The following OTUD7A variants were observed in gnomAD, a reference collection of about 807,000 sequenced individuals.
The protein encoded by OTUD7A is OTU domain-containing protein 7A.
Under a neutral mutation model 65.7 loss-of-function variants are expected in OTUD7A, and 12 were observed. That is an observed-to-expected ratio of 0.18 (90% CI 0.12 to 0.30). The LOEUF is 0.30. Among genes scored for constraint, OTUD7A ranks in the 10% least tolerant of loss-of-function variants. The pLI is 1.00. For missense variants in OTUD7A, 1,148 were observed against 1,304.8 expected, an observed-to-expected ratio of 0.88 and a Z score of 1.85; for synonymous variants, 641 against 586.3, an observed-to-expected ratio of 1.09 and a Z score of -1.35.
chr15:31,521,835 C>T (rs2141112032), intron 8 of OTUD7A, among the ~76,000 whole-genome samples: 1 of 152,280 alleles, frequency 6.6e-6, no homozygotes, highest in Admixed American at 6.5e-5. Context: ...CCAGAGGGTC[C>T]CCCAAACGGT....
At chr15:31,648,022 C>A (rs1456711586) in intron 3 of OTUD7A, among the ~76,000 whole-genome samples, 1 of 151,928 alleles carries the variant, frequency 6.6e-6, no homozygotes, top group Non-Finnish European at 1.5e-5. Flanking sequence ...GGCTGGAGTA[C>A]CAGGTGGAGA....
At position 31,478,471 on chromosome 15, in the gene OTUD7A, A is replaced by C. The variant is rs1309836282; in HGVS notation, c.*4823T>G. 1 of 152,184 alleles carries C rather than the reference A, an allele frequency of 6.6e-6. No individual in the cohort carries two copies. The highest frequency in any genetic ancestry group is 1.5e-5 in the Non-Finnish European group (1 of 68,040). 9.4% of individuals were successfully genotyped at this position (152,184 alleles called of 1,614,324 possible). On this transcript the variant is annotated 3_prime_UTR_variant, in exon 13 of 13. Coordinates refer to ENST00000307050, the MANE Select transcript of OTUD7A (RefSeq NM_001382637.1). ...TTTTTTGGCAAGATTAAAATAGCAA[A>C]AATGCAATTTTCAACAAATCATTTG...
intron 1 of OTUD7A, among the ~76,000 whole-genome samples, chr15:31,848,698 T>TA (rs1234361281): frequency 6.6e-6 from 1 of 152,196 alleles, no homozygotes; most frequent in African/African-American, 2.4e-5. Context: ...AGCAAACAAA[T>TA]AGAGTTCTGA....
Position 31,483,199 on chromosome 15 carries a change from C to T in OTUD7A, c.*95G>A. On this transcript the variant is annotated 3_prime_UTR_variant, in exon 13 of 13. Coordinates refer to ENST00000307050, the MANE Select transcript of OTUD7A (RefSeq NM_001382637.1). Reference sequence around the variant, plus strand: ...CGGCACTGACAGAGGAGGCGCCGGCCTTCCGGTGGACCAGGGCATGTAAAA... The same window carrying T: ...CGGCACTGACAGAGGAGGCGCCGGCTTTCCGGTGGACCAGGGCATGTAAAA... The T allele has an allele frequency of 9.8e-7, 1 of 1,023,548 alleles. No individual in the cohort carries two copies. Among genetic ancestry groups the T allele is most frequent in the Middle Eastern group, 4.6e-4 (1 of 2,152 alleles). 63.4% of individuals were successfully genotyped at this position (1,023,548 alleles called of 1,614,324 possible). A position where few individuals can be genotyped will look rare whatever the true frequency, so the allele number is the denominator to read the frequency against.
intron 1 of OTUD7A, among the ~76,000 whole-genome samples, chr15:31,837,547 A>G (rs887046203): frequency 4.0e-5 from 6 of 151,892 alleles, no homozygotes; most frequent in Middle Eastern, 3.2e-3. Context: ...CTCCATCTCA[A>G]AAAAAAATAA....
At chr15:31,534,171 A>G (rs979169551) in intron 5 of OTUD7A, among the ~76,000 whole-genome samples, 6 of 152,236 alleles carry the variant, frequency 3.9e-5, no homozygotes, top group African/African-American at 7.2e-5. Flanking sequence ...TGCAAAATTC[A>G]TAAGAAAATA....
chr15:31,644,082 A>G (rs1199933008), intron 3 of OTUD7A, among the ~76,000 whole-genome samples: 1 of 152,048 alleles, frequency 6.6e-6, no homozygotes, highest in Non-Finnish European at 1.5e-5. Flanking sequence ...AACGTGGAGT[A>G]GCTCAGGCAA....
chr15:31,789,711 T>C (rs1373269238), intron 1 of OTUD7A, among the ~76,000 whole-genome samples: 1 of 149,146 alleles, frequency 6.7e-6, no homozygotes, highest in African/African-American at 2.5e-5. Flanking sequence ...CTGCCCTTTT[T>C]TTTTTTTTTT....
At chr15:31,811,232 T>C (rs767512040) in intron 1 of OTUD7A, among the ~76,000 whole-genome samples, 1 of 152,028 alleles carries the variant, frequency 6.6e-6, no homozygotes, top group Admixed American at 6.6e-5. Context: ...AGAGCAGGAA[T>C]GGAAAGAGGT....
chr15:31,757,755 A>G (rs1894856138), intron 1 of OTUD7A, among the ~76,000 whole-genome samples: 1 of 152,218 alleles, frequency 6.6e-6, no homozygotes, highest in African/African-American at 2.4e-5. Context: ...AGCAGTTTAT[A>G]TGGTAAATTA....
chr15:31,558,866 G>C, intron 5 of OTUD7A, 103 bp downstream of exon 5: 2 of 1,285,700 alleles, frequency 1.6e-6, no homozygotes, highest in South Asian at 2.6e-5. Flanking sequence ...AAACTGCCCA[G>C]AGTCTGAGAA....
chr15:31,801,708 T>C (rs1445068498), intron 1 of OTUD7A, among the ~76,000 whole-genome samples: 5 of 152,172 alleles, frequency 3.3e-5, no homozygotes, highest in Admixed American at 3.3e-4. Flanking sequence ...AGGTTTACTA[T>C]TAAATTATTT....
intron 1 of OTUD7A, among the ~76,000 whole-genome samples, chr15:31,723,293 T>A (rs1883617806): frequency 1.3e-5 from 2 of 151,828 alleles, no homozygotes; most frequent in Non-Finnish European, 2.9e-5. Context: ...CACCACACAA[T>A]CTGCCCTTGT....
chr15:31,513,721 A>G (rs891465598), intron 8 of OTUD7A, among the ~76,000 whole-genome samples: 2 of 152,220 alleles, frequency 1.3e-5, no homozygotes. Flanking sequence ...AGGTTGTCCC[A>G]TCACTGGTGA....
chr15:31,703,550 A>G (rs1276604843), intron 1 of OTUD7A, among the ~76,000 whole-genome samples: 11 of 152,140 alleles, frequency 7.2e-5, no homozygotes, highest in Non-Finnish European at 1.6e-4. Flanking sequence ...TCAGAACAGC[A>G]AAAATAAAAA....
At position 31,527,228 on chromosome 15, in the gene OTUD7A, C is replaced by T. The variant is rs574120169; in HGVS notation, c.733G>A (p.Ala245Thr). The part of the protein sequence containing the change: ...TMMRTGAERE[A>T]LKRRWRWQQT... ...TGCCACCTCCACCTCCGCTTCAGGG[C>T]TTCCCTCTCAGCTCCCGTCCTCATC... The change falls in exon 7 of 13, where the codon GCC becomes ACC. Residue 245 changes from alanine (A) to threonine (T), a missense_variant. Around this residue, in one of 6 missense-constraint regions of OTUD7A, gnomAD observed 134 missense variants for 252.6 expected, o/e 0.53. Transcript: ENST00000307050. 3 of 1,614,238 alleles carry T rather than the reference C, an allele frequency of 1.9e-6. No homozygotes were observed. In the South Asian group the frequency reaches 3.3e-5, roughly 18 times the overall value.
intron 1 of OTUD7A, among the ~76,000 whole-genome samples, chr15:31,663,810 T>A (rs1166983544): frequency 5.3e-5 from 8 of 152,172 alleles, no homozygotes; most frequent in Non-Finnish European, 8.8e-5. Context: ...TGCAGTCTTT[T>A]ATCCTTTGCT....
In OTUD7A at chr15:31,798,206, T is replaced by TG. The variant is rs201822934; in HGVS notation, c.-100+72300dup. Among the ~76,000 whole-genome samples, 914 of 152,058 alleles carry TG rather than the reference T, an allele frequency of 6.0e-3. 8 individuals are homozygous for TG. Among genetic ancestry groups the TG allele is most frequent in the African/African-American group, 0.019 (808 of 41,486 alleles). On this transcript the variant is annotated intron_variant, in intron 1 of 12. Transcript: ENST00000307050. ...TTAGGACATCAACACAGGCATTTTG[T>TG]GGGGGGGTGGGGGTCCCAATTTAGT...
At chr15:31,724,802 T>C (rs1893838354) in intron 1 of OTUD7A, among the ~76,000 whole-genome samples, 1 of 151,500 alleles carries the variant, frequency 6.6e-6, no homozygotes, top group Admixed American at 6.6e-5. Flanking sequence ...TCACACACAG[T>C]GGAAAAACTA....
Sources: allele counts gnomAD v4.1 joint callset (sites outside exome capture counted in the v4.1 genomes callset), GRCh38; gene constraint gnomAD v4.1.1; regional missense constraint gnomAD v4.1.1; transcripts MANE v1.5; gene names NCBI Gene and HGNC (gene_info 2026-07-23, HGNC 2026-07-21).